NDEL1: variants seen among roughly 807,000 people sequenced by gnomAD.
NDEL1 encodes nuclear distribution protein nudE-like 1.
NDEL1 carries 9 observed loss-of-function variants against 45.7 expected under a neutral mutation model. The ratio of observed to expected loss-of-function variants is 0.20; its 90% CI spans 0.12 to 0.34. The LOEUF (loss-of-function observed/expected upper bound fraction) is 0.34, where lower values mean the gene tolerates loss of function less well. NDEL1 is among the 10% of genes least tolerant of loss of function. The pLI is 1.00. For synonymous variants in NDEL1, 133 were observed against 158.6 expected (o/e 0.84, Z 1.21); for missense variants, 306 against 406.2 (o/e 0.75, Z 2.12).
intron 2 of NDEL1, among the ~76,000 whole-genome samples, 182 bp from the exon 3 acceptor site, chr17:8,445,529 G>A (rs28542691): frequency 0.027 from 4,058 of 152,200 alleles, 68 homozygotes; most frequent in African/African-American, 0.037. Context: ...TCCTTTTTGG[G>A]CTTGTCGTTT....
chr17:8,435,983 C>T lies in NDEL1; in HGVS notation c.-75C>T, dbSNP rs1264042410. 2 of 447,760 alleles carry T rather than the reference C, an allele frequency of 4.5e-6. No individual in the cohort carries two copies. The highest frequency in any genetic ancestry group is 8.9e-6 in the Non-Finnish European group (2 of 223,766). The allele number at this position is 447,760 out of a possible 1,614,324, so 27.7% of individuals were successfully genotyped here. ...AGCCGAGCGGCTGGGCGGGCCTGGC[C>T]GGGCCGGCGGAGGGGAGACGTCGGT... On this transcript the variant is annotated 5_prime_UTR_variant, in exon 1 of 9. Coordinates refer to ENST00000334527, the MANE Select transcript of NDEL1 (RefSeq NM_030808.5).
intron 8 of NDEL1, among the ~76,000 whole-genome samples, chr17:8,462,198 CA>C (rs1184539073): frequency 6.6e-6 from 1 of 151,832 alleles, no homozygotes; most frequent in African/African-American, 2.4e-5. Context: ...CCAATCGGAA[CA>C]GTTGCAGATA....
intron 1 of NDEL1, chr17:8,413,377 A>C (rs990492945): frequency 2.6e-5 from 4 of 152,370 alleles, no homozygotes; most frequent in Non-Finnish European, 5.9e-5. Flanking sequence ...CTCTGTGCCC[A>C]TGAGGCAGGC....
upstream of NDEL1, chr17:8,435,851 C>T (rs1404004355): frequency 9.0e-6 from 4 of 446,418 alleles, no homozygotes; most frequent in Admixed American, 2.4e-5. Flanking sequence ...GCCCCGCCCC[C>T]GTGCGTCACA....
intron 1 of NDEL1, among the ~76,000 whole-genome samples, chr17:8,438,734 T>A (rs1909519425): frequency 6.6e-6 from 1 of 151,990 alleles, no homozygotes; most frequent in African/African-American, 2.4e-5. Flanking sequence ...CAGGCTGGCC[T>A]TGAAGTTCCA....
chr17:8,440,805 C>T (rs1909682745), intron 1 of NDEL1, among the ~76,000 whole-genome samples: 2 of 152,192 alleles, frequency 1.3e-5, no homozygotes, highest in Admixed American at 1.3e-4. Context: ...TACTACTTAA[C>T]TAGGTGCTCT....
In NDEL1 at chr17:8,467,309, G is replaced by T; in HGVS notation, c.*286G>T. The T allele has an allele frequency of 1.8e-6, 1 of 556,570 alleles. No individual in the cohort carries two copies. The highest frequency in any genetic ancestry group is 3.2e-6 in the Non-Finnish European group (1 of 315,604). The allele number at this position is 556,570 out of a possible 1,614,324, so 34.5% of individuals were successfully genotyped here. A position where few individuals can be genotyped will look rare whatever the true frequency, so the allele number is the denominator to read the frequency against. On this transcript the variant is annotated 3_prime_UTR_variant, in exon 9 of 9. Transcript: ENST00000334527. The surrounding 1 kb of genome is among the most constrained non-coding windows in gnomAD (Gnocchi z 6.3). ...ACATACGTGTATTACTTGGTCACTG[G>T]ATGCAGAAGTACCCATTCATCACAC... is the stretch of plus-strand genomic sequence containing the variant.
rs200670227 is a variant in NDEL1, at chr17:8,444,291, C to T, written c.20C>T (p.Pro7Leu). 6.8e-6 allele frequency: 11 copies of T among 1,612,110 alleles called. No individual in the cohort carries two copies. The highest frequency in any genetic ancestry group is 9.3e-6 in the Non-Finnish European group (11 of 1,178,532). Residue 7 changes from proline to leucine, a missense_variant, in exon 2 of 9, where the codon CCA becomes CTA. Around this residue, in one of 3 missense-constraint regions of NDEL1, gnomAD observed 112 missense variants for 148.3 expected, o/e 0.76. Coordinates refer to ENST00000334527, the MANE Select transcript of NDEL1 (RefSeq NM_030808.5). ...TTGATCATGGATGGTGAAGATATAC[C>T]AGATTTTTCAAGTTTAAAGGAGGAA... MDGEDIPDFSSLKEETA... is the reference protein window; with the variant it reads MDGEDILDFSSLKEETA...
intron 7 of NDEL1, among the ~76,000 whole-genome samples, chr17:8,456,850 A>T (rs1910879462): frequency 1.3e-5 from 2 of 150,198 alleles, no homozygotes; most frequent in Admixed American, 6.7e-5. Context: ...TCCCCACCAC[A>T]CTCCCACTCC....
upstream of NDEL1, among the ~76,000 whole-genome samples, chr17:8,432,359 A>AATATATATATATATTATATATAAATAT (rs1567722425): frequency 6.7e-5 from 4 of 59,810 alleles, no homozygotes; most frequent in South Asian, 4.7e-4. Context: ...TATAAATATA[A>AATATATATATATATTATATATAAATAT]ATATATATAT....
intron 1 of NDEL1, among the ~76,000 whole-genome samples, chr17:8,442,128 C>G (rs1048137295): frequency 1.3e-5 from 2 of 152,078 alleles, no homozygotes; most frequent in Non-Finnish European, 2.9e-5. Context: ...TAAGGTTCTT[C>G]CCAATAAATC....
At chr17:8,459,050 T>C (rs1911033149) in intron 7 of NDEL1, among the ~76,000 whole-genome samples, 1 of 152,158 alleles carries the variant, frequency 6.6e-6, no homozygotes, top group Non-Finnish European at 1.5e-5. Context: ...TGTTTCTGAA[T>C]AGCTGTTATT....
upstream of NDEL1, among the ~76,000 whole-genome samples, chr17:8,434,950 A>T (rs1181463234): frequency 1.3e-5 from 2 of 152,138 alleles, no homozygotes; most frequent in South Asian, 2.1e-4. Flanking sequence ...GGCGCCTGTA[A>T]TCCCAGCTAC....
intron 4 of NDEL1, among the ~76,000 whole-genome samples, chr17:8,447,642 T>C (rs1189944377): frequency 6.6e-6 from 1 of 152,240 alleles, no homozygotes; most frequent in Non-Finnish European, 1.5e-5. Context: ...TTTCTTAAAA[T>C]GTTGATTTCA....
At chr17:8,464,025 T>C (rs1330631039) in intron 8 of NDEL1, among the ~76,000 whole-genome samples, 6 of 152,210 alleles carry the variant, frequency 3.9e-5, no homozygotes, top group African/African-American at 1.4e-4. Context: ...AGTGTCCTGA[T>C]CCTTGCTGCT....
chr17:8,448,535 A>C lies in NDEL1; in HGVS notation c.390-15A>C. The C allele has an allele frequency of 1.2e-6, 2 of 1,608,692 alleles. No homozygotes were observed. Among genetic ancestry groups the C allele is most frequent in the Non-Finnish European group, 1.7e-6 (2 of 1,177,148 alleles). On this transcript the variant is annotated splice_polypyrimidine_tract_variant and intron_variant, in intron 4 of 8. Transcript: ENST00000334527. ...GTTATTTATTTAATTCATGTACTCT[A>C]ATTTTTCTTTTTAGGGCAACAATAG...
At chr17:8,418,222 T>A (rs1332087066) in intron 1 of NDEL1, among the ~76,000 whole-genome samples, 1 of 152,220 alleles carries the variant, frequency 6.6e-6, no homozygotes, top group Non-Finnish European at 1.5e-5. Context: ...TTATACCTTT[T>A]AAAATTTTTG....
chr17:8,463,247 G>A (rs537968718), intron 8 of NDEL1: 1 of 1,253,660 alleles, frequency 8.0e-7, no homozygotes, highest in East Asian at 2.3e-5. Context: ...AGGTGGGCAT[G>A]GACTAATTTT....
intron 1 of NDEL1, among the ~76,000 whole-genome samples, chr17:8,415,811 G>A (rs936158923): frequency 2.0e-5 from 3 of 151,864 alleles, no homozygotes; most frequent in Non-Finnish European, 2.9e-5. Context: ...GTGATGGCGC[G>A]ATCTCAGTTC....
Sources: gnomAD v4.1 joint callset for allele counts (sites outside exome capture counted in the v4.1 genomes callset) on GRCh38, gnomAD v4.1.1 for gene constraint, gnomAD v4.1.1 regional missense constraint, Gnocchi (gnomAD v3.1) non-coding constraint, MANE v1.5 for transcripts, NCBI Gene and HGNC (gene_info 2026-07-23, HGNC 2026-07-21) for gene names.